KLHL28: variants seen among roughly 807,000 people sequenced by gnomAD.
KLHL28 encodes kelch like family member 28.
In KLHL28, 22 loss-of-function variants were observed where a neutral mutation model predicts 48.3. The ratio of observed to expected loss-of-function variants is 0.46; its 90% CI spans 0.33 to 0.65. The LOEUF (loss-of-function observed/expected upper bound fraction) is 0.65, where lower values mean the gene tolerates loss of function less well. Among genes scored for constraint, KLHL28 ranks in the 30% least tolerant of loss-of-function variants. The probability of loss-of-function intolerance (pLI) is 0.03; values close to 1 mark genes in which losing one functional copy is unlikely to be tolerated. For missense variants in KLHL28, 527 were observed against 704.3 expected (o/e 0.75, Z 2.85); for synonymous variants, 243 against 242.4 (o/e 1.00, Z -0.02).
At chr14:44,941,771 C>T (rs1370278935) in intron 2 of KLHL28, among the ~76,000 whole-genome samples, 1 of 151,932 alleles carries the variant, frequency 6.6e-6, no homozygotes, top group Non-Finnish European at 1.5e-5. Flanking sequence ...GATCACATTC[C>T]TTCCTTCTTG....
chr14:44,930,578 C>T (rs992393100), intron 4 of KLHL28, among the ~76,000 whole-genome samples: 9 of 152,168 alleles, frequency 5.9e-5, no homozygotes, highest in Non-Finnish European at 7.4e-5. Context: ...ACATCTGAAA[C>T]TTTTTGAGCA....
intron 3 of KLHL28, 58 bp downstream of exon 3, chr14:44,934,057 G>T: frequency 7.4e-7 from 1 of 1,354,180 alleles, no homozygotes; most frequent in Non-Finnish European, 1.0e-6. Context: ...AGAAATCATT[G>T]CTAATGAGAC....
intron 1 of KLHL28, among the ~76,000 whole-genome samples, chr14:44,949,933 G>C (rs915609654): frequency 6.6e-6 from 1 of 152,056 alleles, no homozygotes; most frequent in Non-Finnish European, 1.5e-5. Context: ...GTCCATATCT[G>C]TACTACAGAT....
chr14:44,942,951 C>T (rs1300172318), intron 2 of KLHL28, among the ~76,000 whole-genome samples: 1 of 152,040 alleles, frequency 6.6e-6, no homozygotes, highest in African/African-American at 2.4e-5. Flanking sequence ...TGTTTAATAT[C>T]TTTTGTAGAG....
At chr14:44,937,473 TG>T (rs529055160) in intron 2 of KLHL28, among the ~76,000 whole-genome samples, 28 of 152,208 alleles carry the variant, frequency 1.8e-4, no homozygotes, top group African/African-American at 6.5e-4. Flanking sequence ...AATACCTAGT[TG>T]ATGTCAGAGA....
chr14:44,934,708 CAG>C (rs1883735628), intron 2 of KLHL28, 150 bp from the exon 3 acceptor site: 1 of 585,098 alleles, frequency 1.7e-6, no homozygotes, highest in Non-Finnish European at 2.9e-6. Flanking sequence ...AATATAAAGT[CAG>C]ATAATAATTG....
intron 4 of KLHL28, among the ~76,000 whole-genome samples, chr14:44,929,550 T>C (rs1406964120): frequency 6.6e-6 from 1 of 152,234 alleles, no homozygotes; most frequent in Non-Finnish European, 1.5e-5. Flanking sequence ...ATCATAGATA[T>C]ATATGTATAG....
In KLHL28 at chr14:44,934,154, A is replaced by G. The variant is rs751336217; in HGVS notation, c.1304T>C (p.Ile435Thr). 3 of 1,614,004 alleles carry G rather than the reference A, an allele frequency of 1.9e-6. No homozygotes were observed. The South Asian group carries it at 3.3e-5, about 18-fold the overall frequency. The change falls in exon 3 of 5, where the codon ATA becomes ACA. Residue 435 changes from isoleucine (I) to threonine (T), a missense_variant. By Grantham distance (89) the Ile-to-Thr change is moderately conservative (BLOSUM62 -1). Transcript: ENST00000396128. The part of the protein sequence containing the change: ...CFAAAVLDGM[I>T]YAIGGYGPAH... ...AGGACCATACCCACCAATGGCATAT[A>G]TCATTCCATCCAATACCGCTGCAGC...
At chr14:44,936,886 G>A (rs939882741) in intron 2 of KLHL28, among the ~76,000 whole-genome samples, 5 of 152,192 alleles carry the variant, frequency 3.3e-5, no homozygotes, top group Non-Finnish European at 5.9e-5. Context: ...AACTGATTAT[G>A]GGGCCAATGG....
Position 44,931,530 on chromosome 14 carries a change from T to C in KLHL28, c.1355A>G (p.Tyr452Cys), listed in dbSNP as rs1246568046. The C allele has an allele frequency of 1.2e-6, 2 of 1,612,624 alleles. No homozygotes were observed. The highest frequency in any genetic ancestry group is 8.5e-7 in the Non-Finnish European group (1 of 1,178,720). The change falls in exon 4 of 5, where the codon TAT (tyrosine) becomes TGT (cysteine). Residue 452 changes from tyrosine (Y) to cysteine (C), a missense_variant. Transcript: ENST00000396128. ...GPAHMNSVER[Y>C]DPSKDSWEMV... Reference sequence around the variant, plus strand: ...CTCCCAGGAGTCCTTACTTGGATCATAACGCTCCACACTGCAAATATTTAA... The same window carrying C: ...CTCCCAGGAGTCCTTACTTGGATCACAACGCTCCACACTGCAAATATTTAA...
chr14:44,929,341 C>G (rs772314246), intron 4 of KLHL28, 150 bp from the exon 5 acceptor site: 51 of 714,572 alleles, frequency 7.1e-5, no homozygotes, highest in Non-Finnish European at 1.0e-4. Flanking sequence ...GTAGTCCTCC[C>G]TTTATCTGAG....
At position 44,934,150 on chromosome 14, in the gene KLHL28, A is replaced by G; in HGVS notation, c.1308T>C (p.Tyr436=). ...GGGCAGGACCATACCCACCAATGGC[A>G]TATATCATTCCATCCAATACCGCTG... The part of the protein sequence containing the change: ...FAAAVLDGMI[Y]AIGGYGPAHM... Residue 436 remains tyrosine (Y), a synonymous_variant, in exon 3 of 5, where the codon TAT becomes TAC. Transcript: ENST00000396128. The G allele has an allele frequency of 3.1e-6, 5 of 1,614,082 alleles. No homozygotes were observed. The highest frequency in any genetic ancestry group is 4.2e-6 in the Non-Finnish European group (5 of 1,179,960).
intron 2 of KLHL28, among the ~76,000 whole-genome samples, chr14:44,942,729 T>C (rs1884155244): frequency 6.6e-6 from 1 of 152,202 alleles, no homozygotes. Context: ...TGCTTGATTC[T>C]TGCTTAGCAT....
rs902026158 is a variant in KLHL28 at position 44,943,788 on chromosome 14, C to T, written c.899+1242G>A. Among the ~76,000 whole-genome samples, 11 of 150,644 alleles carry T rather than the reference C, an allele frequency of 7.3e-5. No homozygotes were observed. In the East Asian group the frequency reaches 2.1e-3, roughly 29 times the overall value. ...AGTGTGCAATGGTGCATTCATAGCT[C>T]ACTGCAACTTCAAACTCCTGGGCCT... On this transcript the variant is annotated intron_variant, in intron 2 of 4. Transcript: ENST00000396128.
intron 1 of KLHL28, among the ~76,000 whole-genome samples, chr14:44,957,620 C>T (rs1026416535): frequency 6.6e-6 from 1 of 152,116 alleles, no homozygotes; most frequent in Non-Finnish European, 1.5e-5. Flanking sequence ...TCATAATGTA[C>T]CAGTTAACAG....
rs373959079 is a variant in KLHL28 at position 44,930,419 on chromosome 14, C to T, written c.1552+914G>A. Among the ~76,000 whole-genome samples the T allele has an allele frequency of 8.9e-4, 135 of 152,180 alleles. 1 individual carries two copies. The South Asian group carries it at 0.019, about 21-fold the overall frequency. ...AGCTGACACTACAGGCATGTGCCAC[C>T]GCACCAGGCTAATTTTTCATTTTTA... On this transcript the variant is annotated intron_variant, in intron 4 of 4. Transcript: ENST00000396128.
intron 1 of KLHL28, among the ~76,000 whole-genome samples, chr14:44,951,656 T>C (rs1368937212): frequency 6.6e-6 from 1 of 152,196 alleles, no homozygotes; most frequent in African/African-American, 2.4e-5. Context: ...CTAGCATATT[T>C]TTATAATTGT....
In KLHL28 at chr14:44,929,243, C is replaced by T. The variant is rs778747464; in HGVS notation, c.1553-52G>A. 8 of 1,403,568 alleles carry T rather than the reference C, an allele frequency of 5.7e-6. No individual in the cohort carries two copies. In the South Asian group the frequency reaches 8.3e-5, roughly 15 times the overall value. 86.9% of individuals were successfully genotyped at this position (1,403,568 alleles called of 1,614,324 possible). On this transcript the variant is annotated intron_variant, in intron 4 of 4. Coordinates refer to ENST00000396128, the MANE Select transcript of KLHL28 (RefSeq NM_017658.5). ...AGAAACATGTTAACCATGAAGTATA[C>T]TTTTTCTCACTAAAAATAAATTTGT...
intron 3 of KLHL28, among the ~76,000 whole-genome samples, chr14:44,932,136 C>A (rs1468768587): frequency 6.7e-6 from 1 of 150,230 alleles, no homozygotes; most frequent in Non-Finnish European, 1.5e-5. Context: ...GATCTTTCTG[C>A]CTCAGCCTCC....
Sources: allele counts gnomAD v4.1 joint callset (sites outside exome capture counted in the v4.1 genomes callset), GRCh38; gene constraint gnomAD v4.1.1; transcripts MANE v1.5; gene names NCBI Gene and HGNC (gene_info 2026-07-23, HGNC 2026-07-21).